Variants in WDR44 observed in about 807,000 individuals in gnomAD.
WDR44 encodes the protein WD repeat domain 44.
WDR44 carries 9 observed loss-of-function variants against 65.7 expected under a neutral mutation model. The ratio of observed to expected loss-of-function variants is 0.14; its 90% CI spans 0.08 to 0.24. The LOEUF (loss-of-function observed/expected upper bound fraction) is 0.24. Among genes scored for constraint, WDR44 ranks in the 10% least tolerant of loss-of-function variants. The pLI, the probability that WDR44 is intolerant of heterozygous loss-of-function variation, is 1.00. For synonymous variants in WDR44, 220 were observed against 235.2 expected (o/e 0.94, Z 0.59); for missense variants, 425 against 670.9 (o/e 0.63, Z 4.05).
chrX:118,368,279 G>A (rs2056571620), intron 1 of WDR44, among the ~76,000 whole-genome samples: 1 of 109,367 alleles, frequency 9.1e-6, no homozygotes, highest in African/African-American at 3.4e-5. Flanking sequence ...TATTGTCATC[G>A]CATCAGTGAC....
At chrX:118,411,429 A>G (rs2057012131) in intron 12 of WDR44, among the ~76,000 whole-genome samples, 1 of 112,230 alleles carries the variant, frequency 8.9e-6, no homozygotes, top group Non-Finnish European at 1.9e-5. Flanking sequence ...TTTTAAACCT[A>G]TAAAGCAGAA....
At chrX:118,426,178 A>G (rs1156353638) in intron 12 of WDR44, among the ~76,000 whole-genome samples, 1 of 112,140 alleles carries the variant, frequency 8.9e-6, no homozygotes, top group East Asian at 2.8e-4. Flanking sequence ...AATCATATTT[A>G]AAAGAAGGGT....
At chrX:118,443,111 T>TG (rs1426531416) in intron 17 of WDR44, among the ~76,000 whole-genome samples, 1 of 111,855 alleles carries the variant, frequency 8.9e-6, no homozygotes, top group Non-Finnish European at 1.9e-5. Context: ...CACAGGGTCT[T>TG]GTATTCAAAA....
intron 1 of WDR44, among the ~76,000 whole-genome samples, chrX:118,366,562 A>T (rs1439111299): frequency 1.8e-5 from 2 of 111,753 alleles, no homozygotes; most frequent in African/African-American, 3.3e-5. Flanking sequence ...TGATTTATCG[A>T]AAGAGACATA....
chrX:118,399,917 C>T (rs1285091005), intron 8 of WDR44, among the ~76,000 whole-genome samples: 1 of 111,154 alleles, frequency 9.0e-6, no homozygotes, highest in East Asian at 2.8e-4. Flanking sequence ...TAGACTCACT[C>T]TTTACCAAAA....
In WDR44 at chrX:118,410,882, A is replaced by G. The variant is rs767234940; in HGVS notation, c.1673-13A>G. ...CATACATGCCTTTTTTACAATTATT[A>G]TGTTGTTTTTAGGACGTGTGTCCCC... On this transcript the variant is annotated splice_polypyrimidine_tract_variant and intron_variant, in intron 11 of 19. Coordinates refer to ENST00000254029, the MANE Select transcript of WDR44 (RefSeq NM_019045.5). The G allele has an allele frequency of 8.4e-7, 1 of 1,194,627 alleles. No homozygotes were observed. Among genetic ancestry groups the G allele is most frequent in the Non-Finnish European group, 1.1e-6 (1 of 887,203 alleles).
intron 6 of WDR44, 132 bp from the exon 7 acceptor site, chrX:118,396,838 A>G (rs901282737): frequency 1.7e-6 from 1 of 601,038 alleles, no homozygotes; most frequent in Admixed American, 5.3e-5. Context: ...TAAAAATGTT[A>G]GAAATTATTG....
At chrX:118,354,770 C>T (rs562024947) in intron 1 of WDR44, among the ~76,000 whole-genome samples, 33 of 112,033 alleles carry the variant, frequency 2.9e-4, no homozygotes, top group African/African-American at 1.0e-3. Flanking sequence ...ATAAAACCTA[C>T]TTGGCCACTA....
At chrX:118,368,709 T>C (rs2056578352) in intron 1 of WDR44, among the ~76,000 whole-genome samples, 2 of 73,862 alleles carry the variant, frequency 2.7e-5, no homozygotes, top group African/African-American at 1.1e-4. Flanking sequence ...CCACATACTC[T>C]TCCTTTTTTT....
At chrX:118,438,931 A>G (rs1484073110) in intron 14 of WDR44, among the ~76,000 whole-genome samples, 2 of 105,446 alleles carry the variant, frequency 1.9e-5, no homozygotes, top group African/African-American at 7.0e-5. Flanking sequence ...GATTACAGAC[A>G]TGCACCACCA....
At chrX:118,348,743 A>G (rs755149549) in intron 1 of WDR44, among the ~76,000 whole-genome samples, 83 of 112,037 alleles carry the variant, frequency 7.4e-4, no homozygotes, top group Non-Finnish European at 1.4e-3. Flanking sequence ...GTAGTGAGAA[A>G]TCTTGATTTG....
chrX:118,368,982 C>T (rs1473518865), intron 1 of WDR44, among the ~76,000 whole-genome samples: 1 of 108,994 alleles, frequency 9.2e-6, no homozygotes, highest in African/African-American at 3.3e-5. Context: ...CCCACCTTGG[C>T]CTCCCAAAGT....
At chrX:118,435,404 G>A (rs1043422315) in intron 13 of WDR44, among the ~76,000 whole-genome samples, 10 of 111,776 alleles carry the variant, frequency 8.9e-5, no homozygotes, top group African/African-American at 2.6e-4. Context: ...CAGCCTCCCC[G>A]AGTAGCTGGA....
At chrX:118,413,482 A>G (rs2057028599) in intron 12 of WDR44, among the ~76,000 whole-genome samples, 1 of 111,622 alleles carries the variant, frequency 9.0e-6, no homozygotes, top group Non-Finnish European at 1.9e-5. Flanking sequence ...CCATTTGTAT[A>G]TTTTTTTGAG....
chrX:118,441,780 G>T (rs770755784), intron 15 of WDR44, among the ~76,000 whole-genome samples: 1 of 111,267 alleles, frequency 9.0e-6, no homozygotes, highest in African/African-American at 3.3e-5. Flanking sequence ...TCACTCTGTT[G>T]CCCAGGATGG....
chrX:118,361,434 T>A (rs1485204425), intron 1 of WDR44, among the ~76,000 whole-genome samples: 1 of 111,680 alleles, frequency 9.0e-6, no homozygotes, highest in African/African-American at 3.3e-5. Context: ...CCACAGAAAT[T>A]TAAAGTTATT....
chrX:118,349,564 T>C, intron 1 of WDR44, among the ~76,000 whole-genome samples: 1 of 109,045 alleles, frequency 9.2e-6, no homozygotes, highest in Middle Eastern at 4.7e-3. Flanking sequence ...AGGAACATTT[T>C]TTTTTTTTTT....
At chrX:118,361,006 T>C (rs764032123) in intron 1 of WDR44, among the ~76,000 whole-genome samples, 51 of 111,217 alleles carry the variant, frequency 4.6e-4, no homozygotes, top group Non-Finnish European at 8.9e-4. Flanking sequence ...CCTTTTTTTT[T>C]CCTCAGGGCC....
chrX:118,350,071 G>A (rs16995135), intron 1 of WDR44, among the ~76,000 whole-genome samples: 17,392 of 110,350 alleles, frequency 0.16, 2,499 homozygotes, highest in African/African-American at 0.44. Flanking sequence ...GAATTGAACT[G>A]ATACATCTCC....
Sources: allele counts gnomAD v4.1 joint callset (sites outside exome capture counted in the v4.1 genomes callset), GRCh38; gene constraint gnomAD v4.1.1; transcripts MANE v1.5; gene names NCBI Gene and HGNC (gene_info 2026-07-23, HGNC 2026-07-21).